Variants in HIVEP3 observed in about 807,000 individuals in gnomAD.
HIVEP3 encodes transcription factor HIVEP3.
HIVEP3 carries 49 observed loss-of-function variants against 152.8 expected under a neutral mutation model. That is an observed-to-expected ratio of 0.32 (90% CI 0.26 to 0.41). The LOEUF is 0.41. Among genes scored for constraint, HIVEP3 ranks in the 10% least tolerant of loss-of-function variants. The pLI is 1.00. For synonymous variants in HIVEP3, 1,269 were observed against 1,289.0 expected (o/e 0.98, Z 0.33); for missense variants, 2,790 against 3,103.3 (o/e 0.90, Z 2.40).
rs370654082 is a variant in HIVEP3 at position 41,583,631 on chromosome 1, A to G, written c.1167T>C (p.Thr389=). 1.9e-6 allele frequency: 3 copies of G among 1,614,056 alleles called. No homozygotes were observed. Among genetic ancestry groups the G allele is most frequent in the Middle Eastern group, 1.6e-4 (1 of 6,084 alleles). ...AFLSPGSKGS[T]ESGYFSRSES... Reference sequence around the variant, plus strand: ...CGGAGCGAGAGAAATACCCAGACTCAGTACTCCCTTTGCTGCCTGGGCTCA... The same window carrying G: ...CGGAGCGAGAGAAATACCCAGACTCGGTACTCCCTTTGCTGCCTGGGCTCA... The change falls in exon 4 of 9, where the codon ACT becomes ACC. Residue 389 remains threonine (T), a synonymous_variant. Coordinates refer to ENST00000372583, the MANE Select transcript of HIVEP3 (RefSeq NM_024503.5). The surrounding 1 kb of genome is among the most constrained non-coding windows in gnomAD (Gnocchi z 6.9).
chr1:41,689,644 G>C (rs1646166013), intron 2 of HIVEP3, among the ~76,000 whole-genome samples: 1 of 152,212 alleles, frequency 6.6e-6, no homozygotes, highest in African/African-American at 2.4e-5. Context: ...TCAAGGTAGA[G>C]GCCATTATGT....
chr1:41,692,094 TC>T (rs1350830666), intron 2 of HIVEP3, among the ~76,000 whole-genome samples: 1 of 152,194 alleles, frequency 6.6e-6, no homozygotes, highest in Non-Finnish European at 1.5e-5. Flanking sequence ...TCCACCTGTC[TC>T]AGCCTCCCAA....
In HIVEP3 at chr1:41,604,450, T is replaced by C. The variant is rs552764481; in HGVS notation, c.-521-19132A>G. ...ACTATATGCCGTGTGATGATGTGAATGTGGAAACTCCACAATTCAGGTATT... is the reference window on the plus strand; with the variant it reads ...ACTATATGCCGTGTGATGATGTGAACGTGGAAACTCCACAATTCAGGTATT... On this transcript the variant is annotated intron_variant, in intron 3 of 8. Transcript: ENST00000372583. Among the ~76,000 whole-genome samples the C allele has an allele frequency of 1.2e-4, 19 of 152,356 alleles. No individual in the cohort carries two copies. In the East Asian group the frequency reaches 3.3e-3, roughly 26 times the overall value.
chr1:41,886,278 C>A (rs562182150), intron 1 of HIVEP3, among the ~76,000 whole-genome samples: 15 of 152,130 alleles, frequency 9.9e-5, no homozygotes, highest in African/African-American at 3.4e-4. Context: ...TTCACAGTCA[C>A]GTTAATGCAA....
chr1:41,870,165 G>A (rs988406314), intron 1 of HIVEP3, among the ~76,000 whole-genome samples: 1 of 152,020 alleles, frequency 6.6e-6, no homozygotes, highest in Non-Finnish European at 1.5e-5. Flanking sequence ...CAGGGGTGAC[G>A]GTCCCTCCCC....
chr1:41,937,559 C>T (rs1557530260), intron 1 of HIVEP3, among the ~76,000 whole-genome samples: 1 of 152,168 alleles, frequency 6.6e-6, no homozygotes, highest in African/African-American at 2.4e-5. Context: ...AAAAGGCACA[C>T]TGCATCTCAA....
In HIVEP3 at chr1:41,584,298, C is replaced by T. The variant is rs541883476; in HGVS notation, c.500G>A (p.Arg167His). The part of the protein sequence containing the change: ...LPGVPKVFVP[R>H]PSQVSLKPTE... ...GGGCTTCAAGGAGACCTGGGAAGGA[C>T]GAGGCACGAAGACTTTGGGGACTCC... Residue 167 changes from arginine (R) to histidine (H), a missense_variant, in exon 4 of 9, where the codon CGT becomes CAT. By Grantham distance (29) the Arg-to-His change is conservative. Around this residue, in one of 9 missense-constraint regions of HIVEP3, gnomAD observed 209 missense variants for 237.0 expected, o/e 0.88. Transcript: ENST00000372583. The surrounding 1 kb of genome is among the most constrained non-coding windows in gnomAD (Gnocchi z 5.2). 48 of 1,613,574 alleles carry T rather than the reference C, an allele frequency of 3.0e-5. No homozygotes were observed. Among genetic ancestry groups the T allele is most frequent in the African/African-American group, 5.3e-5 (4 of 74,946 alleles).
chr1:41,509,308 CAG>C lies in HIVEP3; in HGVS notation c.*1141_*1142del, dbSNP rs1375639203. 3 of 152,160 alleles carry C rather than the reference CAG, an allele frequency of 2.0e-5. No homozygotes were observed. The highest frequency in any genetic ancestry group is 4.4e-5 in the Non-Finnish European group (3 of 68,042). The allele number at this position is 152,160 out of a possible 1,614,324, so 9.4% of individuals were successfully genotyped here. ...GGGTATTTCCTTGGGGTAGTGGAGACAGGGGCAGGGACGGGGGGAAACGGTCC... is the reference window on the plus strand; with the variant it reads ...GGGTATTTCCTTGGGGTAGTGGAGACGGGCAGGGACGGGGGGAAACGGTCC... On this transcript the variant is annotated 3_prime_UTR_variant, in exon 9 of 9. Coordinates refer to ENST00000372583, the MANE Select transcript of HIVEP3 (RefSeq NM_024503.5).
chr1:41,903,111 C>T (rs1350563860), intron 1 of HIVEP3, among the ~76,000 whole-genome samples: 4 of 152,304 alleles, frequency 2.6e-5, no homozygotes, highest in Non-Finnish European at 5.9e-5. Context: ...AAATAAAATA[C>T]ATCTACCAAC....
intron 2 of HIVEP3, among the ~76,000 whole-genome samples, chr1:41,649,714 G>A (rs983993031): frequency 2.6e-5 from 4 of 152,262 alleles, no homozygotes; most frequent in African/African-American, 4.8e-5. Flanking sequence ...GATCAAATGC[G>A]GGGAGGGGTG....
chr1:41,982,119 T>A (rs540009006), intron 1 of HIVEP3, among the ~76,000 whole-genome samples: 16 of 152,372 alleles, frequency 1.1e-4, no homozygotes, highest in African/African-American at 3.8e-4. Flanking sequence ...TGGTACTTTA[T>A]AAGATTTCCT....
intron 1 of HIVEP3, among the ~76,000 whole-genome samples, chr1:41,894,276 A>G (rs569528588): frequency 1.3e-5 from 2 of 152,324 alleles, no homozygotes; most frequent in East Asian, 3.9e-4. Flanking sequence ...ACTGAGGTGA[A>G]GGGAAATTAA....
chr1:41,878,257 C>T (rs1471075511), intron 1 of HIVEP3, among the ~76,000 whole-genome samples: 1 of 152,128 alleles, frequency 6.6e-6, no homozygotes, highest in Admixed American at 6.5e-5. Context: ...ACAGAGCAAG[C>T]AATTTGCGAA....
In HIVEP3 at chr1:41,888,957, CCA is replaced by C. The variant is rs147686165; in HGVS notation, c.-801+29454_-801+29455del. Among the ~76,000 whole-genome samples, 74 of 133,960 alleles carry C rather than the reference CCA, an allele frequency of 5.5e-4. 4 individuals carry two copies. The highest frequency in any genetic ancestry group is 6.7e-4 in the South Asian group (3 of 4,458). The allele number at this position is 133,960 out of a possible 152,430, so 87.9% of individuals were successfully genotyped here. On this transcript the variant is annotated intron_variant, in intron 1 of 8. Coordinates refer to ENST00000372583, the MANE Select transcript of HIVEP3 (RefSeq NM_024503.5). ...CATACACACACAAAGACCACACATGCCACACACACACACAAAGACCACACATG... is the reference window on the plus strand; with the variant it reads ...CATACACACACAAAGACCACACATGCCACACACACACAAAGACCACACATG...
At chr1:41,561,561 G>A (rs1178929034) in intron 5 of HIVEP3, among the ~76,000 whole-genome samples, 1 of 151,816 alleles carries the variant, frequency 6.6e-6, no homozygotes, top group African/African-American at 2.4e-5. Flanking sequence ...CACCCAGGCT[G>A]GAGTGCAGTG....
chr1:41,610,958 G>A (rs60743712), intron 3 of HIVEP3, among the ~76,000 whole-genome samples: 89,870 of 151,956 alleles, frequency 0.59, 26,880 homozygotes, highest in East Asian at 0.88. Context: ...GTATGATTTC[G>A]TGGGGCTGCA....
At chr1:41,842,801 C>G (rs1489289421) in intron 1 of HIVEP3, among the ~76,000 whole-genome samples, 2 of 152,120 alleles carry the variant, frequency 1.3e-5, no homozygotes, top group Admixed American at 6.6e-5. Context: ...TTTTGCCCCC[C>G]GCTTCTTGCT....
rs377717725 is a variant in HIVEP3 at position 41,862,447 on chromosome 1, G to A, written c.-801+55966C>T. On this transcript the variant is annotated intron_variant, in intron 1 of 8. Transcript: ENST00000372583. ...TTCACACTTATGCATATGCTTCAGT[G>A]TGTAAGAACTGAGTCATTGTTTTCT... is the stretch of plus-strand genomic sequence containing the variant. Among the ~76,000 whole-genome samples the A allele has an allele frequency of 9.2e-5, 14 of 152,268 alleles. No homozygotes were observed. In the East Asian group the frequency reaches 1.5e-3, roughly 17 times the overall value.
At chr1:41,595,302 C>A (rs561234262) in intron 3 of HIVEP3, among the ~76,000 whole-genome samples, 1 of 152,324 alleles carries the variant, frequency 6.6e-6, no homozygotes, top group East Asian at 1.9e-4. Context: ...CTCCCCTTGT[C>A]AGTAATTCTC....
Sources: allele counts gnomAD v4.1 joint callset (sites outside exome capture counted in the v4.1 genomes callset), GRCh38; gene constraint gnomAD v4.1.1; regional missense constraint gnomAD v4.1.1; non-coding constraint Gnocchi (gnomAD v3.1); transcripts MANE v1.5; gene names NCBI Gene and HGNC (gene_info 2026-07-23, HGNC 2026-07-21).